Variants in BACE1 observed in about 807,000 individuals in gnomAD.
The protein encoded by BACE1 is APP beta-secretase.
Under a neutral mutation model 54.0 loss-of-function variants are expected in BACE1, and 21 were observed. The observed-to-expected ratio is 0.39, with a 90% CI of 0.28 to 0.56. The LOEUF is 0.56. BACE1 is among the 20% of genes least tolerant of loss of function. The pLI, the probability that BACE1 is intolerant of heterozygous loss-of-function variation, is 0.63. For missense variants in BACE1, 511 were observed against 661.2 expected, an observed-to-expected ratio of 0.77 and a Z score of 2.49; for synonymous variants, 232 against 260.9, an observed-to-expected ratio of 0.89 and a Z score of 1.07.
Position 117,293,936 on chromosome 11 carries a change from G to C in BACE1, c.640C>G (p.Gln214Glu). 6.2e-7 allele frequency: 1 copy of C among 1,614,088 alleles called. No homozygotes were observed. Among genetic ancestry groups the C allele is most frequent in the Non-Finnish European group, 8.5e-7 (1 of 1,180,002 alleles). The change falls in exon 4 of 9, where the codon CAG becomes GAG. Residue 214 changes from glutamine (Q) to glutamate (E), a missense_variant. Coordinates refer to ENST00000313005, the MANE Select transcript of BACE1 (RefSeq NM_012104.6). The surrounding 1 kb of genome is among the most constrained non-coding windows in gnomAD (Gnocchi z 4.1). ...QTHVPNLFSL[Q>E]LCGAGFPLNQ... ...AGGGGGAAGCCAGCACCACAAAGCT[G>C]CAGGGAGAAGAGGTTGGGAACGTGG...
intron 1 of BACE1, among the ~76,000 whole-genome samples, chr11:117,303,940 G>C (rs2034777155): frequency 6.6e-6 from 1 of 152,190 alleles, no homozygotes; most frequent in Non-Finnish European, 1.5e-5. Context: ...CACAAAGCTA[G>C]GACAAGAATC....
rs755791401 is a variant in BACE1 at position 117,294,014 on chromosome 11, G to T, written c.568-6C>A. ...GGCTCCAGGGAGTCGTCAGGCTTTG[G>T]CAGAAAGAGACAAGGAGTGAGTCCT... On this transcript the variant is annotated splice_polypyrimidine_tract_variant and splice_region_variant and intron_variant, in intron 3 of 8. Coordinates refer to ENST00000313005, the MANE Select transcript of BACE1 (RefSeq NM_012104.6). 6.2e-7 allele frequency: 1 copy of T among 1,612,830 alleles called. No homozygotes were observed. The highest frequency in any genetic ancestry group is 1.3e-5 in the African/African-American group (1 of 74,980).
At position 117,315,916 on chromosome 11, in the gene BACE1, A is replaced by T. The variant is rs2035106017; in HGVS notation, c.-121T>A. On this transcript the variant is annotated 5_prime_UTR_variant, in exon 1 of 9. Coordinates refer to ENST00000313005, the MANE Select transcript of BACE1 (RefSeq NM_012104.6). The surrounding 1 kb of genome is among the most constrained non-coding windows in gnomAD (Gnocchi z 5.5). Reference sequence around the variant, plus strand: ...GGAGAGGGAGCTTGGGGGCATCAGGACGCCAGGGCCTGCAGGGCCCTGGGC... The same window carrying T: ...GGAGAGGGAGCTTGGGGGCATCAGGTCGCCAGGGCCTGCAGGGCCCTGGGC... The T allele has an allele frequency of 3.4e-6, 4 of 1,182,404 alleles. No individual in the cohort carries two copies. Among genetic ancestry groups the T allele is most frequent in the Non-Finnish European group, 4.4e-6 (4 of 905,446 alleles). 73.2% of individuals were successfully genotyped at this position (1,182,404 alleles called of 1,614,324 possible). A position where few individuals can be genotyped will look rare whatever the true frequency, so the allele number is the denominator to read the frequency against.
intron 1 of BACE1, among the ~76,000 whole-genome samples, chr11:117,307,563 C>T (rs1028543455): frequency 2.0e-5 from 3 of 152,210 alleles, no homozygotes; most frequent in Non-Finnish European, 2.9e-5. Flanking sequence ...CTGCCTGCCT[C>T]GGCCTCCCAA....
chr11:117,306,767 C>T (rs2034840997), intron 1 of BACE1, among the ~76,000 whole-genome samples: 1 of 151,954 alleles, frequency 6.6e-6, no homozygotes, highest in South Asian at 2.1e-4. Context: ...GCCGAGATCG[C>T]GCCACCGCAC....
intron 6 of BACE1, 136 bp from the exon 7 acceptor site, chr11:117,291,185 C>T: frequency 9.9e-7 from 1 of 1,008,944 alleles, no homozygotes; most frequent in Non-Finnish European, 1.4e-6. Flanking sequence ...GTAAACCAAC[C>T]AGAGGATTAC....
intron 3 of BACE1, chr11:117,294,583 T>A (rs549852224): frequency 6.3e-6 from 1 of 158,638 alleles, no homozygotes; most frequent in Non-Finnish European, 1.4e-5. Context: ...ATGGGGGCCT[T>A]TATTAAAGAT....
intron 1 of BACE1, among the ~76,000 whole-genome samples, chr11:117,313,720 C>A (rs1462253962): frequency 6.6e-6 from 1 of 152,134 alleles, no homozygotes; most frequent in Non-Finnish European, 1.5e-5. Flanking sequence ...TTACAGGATA[C>A]CCCAGTTTTA....
chr11:117,299,802 C>G, intron 1 of BACE1: 1 of 278,248 alleles, frequency 3.6e-6, no homozygotes. Context: ...CCTCTCCCCA[C>G]GAACCCTCTT....
At chr11:117,309,479 G>A (rs113584147) in intron 1 of BACE1, among the ~76,000 whole-genome samples, 2,835 of 152,250 alleles carry the variant, frequency 0.019, 84 homozygotes, top group African/African-American at 0.065. Context: ...TTGGCTGGGC[G>A]CGGTGGCTCA....
At chr11:117,306,651 A>G (rs1308639761) in intron 1 of BACE1, among the ~76,000 whole-genome samples, 2 of 151,994 alleles carry the variant, frequency 1.3e-5, no homozygotes, top group Non-Finnish European at 2.9e-5. Flanking sequence ...CTACCAAAAT[A>G]TATATATAAA....
At position 117,293,570 on chromosome 11, in the gene BACE1, T is replaced by C. The variant is rs930158577; in HGVS notation, c.705+301A>G. 1.4e-5 allele frequency: 4 copies of C among 287,832 alleles called. No homozygotes were observed. The highest frequency in any genetic ancestry group is 2.5e-5 in the Non-Finnish European group (4 of 157,994). 17.8% of individuals were successfully genotyped at this position (287,832 alleles called of 1,614,324 possible). ...AATTAATAAATAGACAAACTTCTTA[T>C]ATCTCTGCCTTCTGACCATCAAACT... On this transcript the variant is annotated intron_variant, in intron 4 of 8. Transcript: ENST00000313005. This position sits in a 1 kb window ranked among gnomAD's most constrained non-coding sequence, Gnocchi z 4.1.
At position 117,291,053 on chromosome 11, in the gene BACE1, T is replaced by C. The variant is rs2034414653; in HGVS notation, c.943-4A>G. On this transcript the variant is annotated splice_region_variant and splice_polypyrimidine_tract_variant and intron_variant, in intron 6 of 8. Coordinates refer to ENST00000313005, the MANE Select transcript of BACE1 (RefSeq NM_012104.6). ...AACCATCAGGGAACTTCTCCGTCTG[T>C]GTTGGCAAGAAGGGGATAACAATGA... 2 of 1,613,878 alleles carry C rather than the reference T, an allele frequency of 1.2e-6. No homozygotes were observed. Among genetic ancestry groups the C allele is most frequent in the African/African-American group, 1.3e-5 (1 of 74,934 alleles).
chr11:117,286,607 T>C lies in BACE1; in HGVS notation c.*2959A>G. ...ACTTTTCCTTTCAGACCCAACTAAA[T>C]GATCTCCTTTCTGCCTTTGATACTC... On this transcript the variant is annotated 3_prime_UTR_variant, in exon 9 of 9. Coordinates refer to ENST00000313005, the MANE Select transcript of BACE1 (RefSeq NM_012104.6). The C allele has an allele frequency of 6.5e-6, 1 of 152,682 alleles. No homozygotes were observed. The highest frequency in any genetic ancestry group is 1.5e-5 in the Non-Finnish European group (1 of 68,054). The allele number at this position is 152,682 out of a possible 1,614,324, so 9.5% of individuals were successfully genotyped here.
At chr11:117,306,085 T>C (rs989998264) in intron 1 of BACE1, among the ~76,000 whole-genome samples, 1 of 152,166 alleles carries the variant, frequency 6.6e-6, no homozygotes, top group South Asian at 2.1e-4. Flanking sequence ...GGAATCCTTT[T>C]CCCCTTTTCC....
chr11:117,314,919 G>T (rs2035050414), intron 1 of BACE1, among the ~76,000 whole-genome samples: 1 of 152,070 alleles, frequency 6.6e-6, no homozygotes, highest in South Asian at 2.1e-4. Flanking sequence ...GGGAGGGGCC[G>T]GAGTGTAGAC....
In BACE1 at chr11:117,315,306, G is replaced by A. The variant is rs993793117; in HGVS notation, c.261+229C>T. On this transcript the variant is annotated intron_variant, in intron 1 of 8. Transcript: ENST00000313005. This position sits in a 1 kb window ranked among gnomAD's most constrained non-coding sequence, Gnocchi z 5.5. ...TCAAATCCTTCCAGACGGCGTATGT[G>A]TCAGATGAGGAGCAAGGGGAACTAG... Among the ~76,000 whole-genome samples, 16 of 152,198 alleles carry A rather than the reference G, an allele frequency of 1.1e-4. No individual in the cohort carries two copies. The highest frequency in any genetic ancestry group is 1.0e-3 in the Admixed American group (16 of 15,292).
chr11:117,314,203 T>C (rs1262493948), intron 1 of BACE1, among the ~76,000 whole-genome samples: 1 of 152,228 alleles, frequency 6.6e-6, no homozygotes, highest in African/African-American at 2.4e-5. Context: ...CGATATCATC[T>C]AGCGTTCTGT....
chr11:117,314,050 G>A (rs1259289632), intron 1 of BACE1, among the ~76,000 whole-genome samples: 5 of 152,196 alleles, frequency 3.3e-5, no homozygotes, highest in Admixed American at 6.5e-5. Flanking sequence ...GCTGGGATTC[G>A]TGGACTGTCT....
Sources: allele counts gnomAD v4.1 joint callset (sites outside exome capture counted in the v4.1 genomes callset), GRCh38; gene constraint gnomAD v4.1.1; non-coding constraint Gnocchi (gnomAD v3.1); transcripts MANE v1.5; gene names NCBI Gene and HGNC (gene_info 2026-07-23, HGNC 2026-07-21).